Variants in NLK observed in about 807,000 individuals in gnomAD.
NLK encodes nemo like kinase.
NLK carries 11 observed loss-of-function variants against 59.0 expected under a neutral mutation model. The observed-to-expected ratio is 0.19, with a 90% CI of 0.12 to 0.31. The LOEUF is 0.31. NLK is among the 10% of genes least tolerant of loss of function. The probability of loss-of-function intolerance (pLI) is 1.00; values close to 1 mark genes in which losing one functional copy is unlikely to be tolerated. For synonymous variants in NLK, 235 were observed against 235.9 expected (o/e 1.00, Z 0.03); for missense variants, 410 against 661.1 (o/e 0.62, Z 4.16).
chr17:28,046,828 A>G (rs180721922), intron 1 of NLK, among the ~76,000 whole-genome samples: 2 of 152,322 alleles, frequency 1.3e-5, no homozygotes, highest in Admixed American at 1.3e-4. Context: ...CCACCTTGGT[A>G]AAAGTGAGTC....
intron 1 of NLK, among the ~76,000 whole-genome samples, chr17:28,079,780 A>G (rs1052205120): frequency 5.9e-5 from 9 of 152,154 alleles, no homozygotes; most frequent in Non-Finnish European, 2.9e-5. Context: ...AGGTTGCCTT[A>G]TCACTCTGTT....
intron 1 of NLK, among the ~76,000 whole-genome samples, chr17:28,100,536 C>T (rs1041991894): frequency 2.6e-5 from 4 of 152,104 alleles, no homozygotes; most frequent in Non-Finnish European, 2.9e-5. Context: ...CTTTTATGAG[C>T]TTATTAGCCA....
chr17:28,171,750 T>G (rs1457848346), intron 6 of NLK, among the ~76,000 whole-genome samples: 1 of 152,168 alleles, frequency 6.6e-6, no homozygotes, highest in Non-Finnish European at 1.5e-5. Flanking sequence ...ATTAACTGTT[T>G]GGAAAGAATA....
chr17:28,144,814 C>T (rs999077289), intron 3 of NLK, among the ~76,000 whole-genome samples: 3 of 152,314 alleles, frequency 2.0e-5, no homozygotes, highest in Non-Finnish European at 4.4e-5. Flanking sequence ...ATATATCAGA[C>T]TTGCCATAAT....
At position 28,163,592 on chromosome 17, in the gene NLK, A is replaced by T; in HGVS notation, c.801A>T (p.Pro267=). ...SAGILHRDIK[P]GNLLVNSNCV... ...GCATTTTACATCGAGACATTAAGCC[A>T]GGGAATCTCCTTGTGAACAGCAACT... The change falls in exon 5 of 11, where the codon CCA becomes CCT. Residue 267 remains proline (P), a synonymous_variant. Coordinates refer to ENST00000407008, the MANE Select transcript of NLK (RefSeq NM_016231.5). 1 of 1,609,276 alleles carries T rather than the reference A, an allele frequency of 6.2e-7. No homozygotes were observed. The highest frequency in any genetic ancestry group is 8.5e-7 in the Non-Finnish European group (1 of 1,176,710).
chr17:28,065,951 A>G (rs757103802), intron 1 of NLK, among the ~76,000 whole-genome samples: 103 of 152,280 alleles, frequency 6.8e-4, no homozygotes, highest in Non-Finnish European at 1.1e-3. Context: ...GTTTCTACAG[A>G]TGACTTCATT....
chr17:28,176,667 AT>A (rs1908693344), intron 7 of NLK, among the ~76,000 whole-genome samples: 2 of 152,216 alleles, frequency 1.3e-5, no homozygotes, highest in South Asian at 4.1e-4. Context: ...TTAAAATTTC[AT>A]TTGTATATCT....
intron 3 of NLK, among the ~76,000 whole-genome samples, chr17:28,138,847 C>T (rs757101115): frequency 2.0e-5 from 3 of 151,990 alleles, no homozygotes; most frequent in Non-Finnish European, 4.4e-5. Flanking sequence ...AAAGTAGGTA[C>T]AAAATAAATA....
intron 1 of NLK, among the ~76,000 whole-genome samples, chr17:28,114,689 T>C (rs2125844): frequency 0.99 from 151,485 of 152,332 alleles, 75,322 homozygotes; most frequent in East Asian, 1. Context: ...TTGCTTTTCA[T>C]GTTTATATCT....
intron 1 of NLK, among the ~76,000 whole-genome samples, chr17:28,065,265 A>T (rs1293345755): frequency 6.6e-6 from 1 of 152,038 alleles, no homozygotes; most frequent in Non-Finnish European, 1.5e-5. Flanking sequence ...GTTTTTTTCT[A>T]GGCAGTGTAG....
intron 1 of NLK, among the ~76,000 whole-genome samples, chr17:28,111,786 T>G (rs1905490990): frequency 6.6e-6 from 1 of 151,962 alleles, no homozygotes; most frequent in African/African-American, 2.4e-5. Context: ...GAGTCCTGCT[T>G]GTGTCTGCAT....
intron 3 of NLK, among the ~76,000 whole-genome samples, chr17:28,136,950 C>CAAAA (rs67290939): frequency 3.7e-5 from 3 of 80,652 alleles, no homozygotes; most frequent in African/African-American, 1.1e-4. Flanking sequence ...GTAGCCAAAG[C>CAAAA]AAAAAAAAAA....
intron 1 of NLK, among the ~76,000 whole-genome samples, chr17:28,120,481 T>C (rs765824560): frequency 1.3e-5 from 2 of 152,126 alleles, no homozygotes; most frequent in Non-Finnish European, 2.9e-5. Context: ...TATGAAGCTA[T>C]TGAAAACTCA....
intron 2 of NLK, among the ~76,000 whole-genome samples, chr17:28,131,061 G>T (rs145973739): frequency 3.4e-4 from 51 of 152,044 alleles, no homozygotes; most frequent in African/African-American, 1.2e-3. Flanking sequence ...CCTCCAACTG[G>T]CTTTAAAGTG....
At chr17:28,142,254 A>G (rs1298719277) in intron 3 of NLK, among the ~76,000 whole-genome samples, 1 of 152,070 alleles carries the variant, frequency 6.6e-6, no homozygotes, top group Non-Finnish European at 1.5e-5. Flanking sequence ...TTTAAATTAC[A>G]ACTGAGGTAG....
chr17:28,049,803 A>AAATC (rs1236750453), intron 1 of NLK, among the ~76,000 whole-genome samples: 11 of 152,286 alleles, frequency 7.2e-5, no homozygotes, highest in African/African-American at 2.4e-4. Context: ...CAACATGGTG[A>AAATC]AATCCCGTCT....
downstream of NLK, among the ~76,000 whole-genome samples, chr17:28,200,684 A>G (rs991880360): frequency 1.3e-5 from 2 of 152,210 alleles, no homozygotes; most frequent in Non-Finnish European, 2.9e-5. Flanking sequence ...GGGTTTCACC[A>G]TGTTGGCCAG....
intron 2 of NLK, among the ~76,000 whole-genome samples, chr17:28,131,893 CTT>C (rs1308085274): frequency 1.3e-5 from 2 of 152,068 alleles, no homozygotes; most frequent in African/African-American, 4.8e-5. Context: ...TTTAAAGAGA[CTT>C]TGTGTAGTGT....
At chr17:28,198,404 A>G (rs1331082238), downstream of NLK, among the ~76,000 whole-genome samples, 1 of 151,956 alleles carries the variant, frequency 6.6e-6, no homozygotes, top group Non-Finnish European at 1.5e-5. Flanking sequence ...GCTCACCACA[A>G]TCTCCGCCTC....
Sources: gnomAD v4.1 joint callset for allele counts (sites outside exome capture counted in the v4.1 genomes callset) on GRCh38, gnomAD v4.1.1 for gene constraint, MANE v1.5 for transcripts, NCBI Gene and HGNC (gene_info 2026-07-23, HGNC 2026-07-21) for gene names.